Variants in NUP205 observed in about 807,000 individuals in gnomAD.
NUP205 encodes the protein nuclear pore complex protein Nup205.
A neutral mutation model predicts 253.8 loss-of-function variants in NUP205; 76 were observed. The ratio of observed to expected loss-of-function variants is 0.30; its 90% CI spans 0.25 to 0.36. NUP205 has a LOEUF of 0.36. NUP205 is among the 10% of genes least tolerant of loss of function. The pLI is 1.00. For missense variants in NUP205, 2,162 were observed against 2,425.5 expected, an observed-to-expected ratio of 0.89 and a Z score of 2.28; for synonymous variants, 832 against 850.1, an observed-to-expected ratio of 0.98 and a Z score of 0.37.
At chr7:135,606,107 G>A (rs1021561411) in intron 19 of NUP205, 38 bp from the exon 20 acceptor site, 57 of 1,321,468 alleles carry the variant, frequency 4.3e-5, no homozygotes, top group Non-Finnish European at 6.1e-5. Flanking sequence ...TTAGAAACCT[G>A]TAATAATTTG....
In NUP205 at chr7:135,594,732, A is replaced by C; in HGVS notation, c.2013+3A>C. ...GGCAGTCATTGGAATACACTCAGGT[A>C]GGGCTCTGAAGTCCCTTATTTATAT... On this transcript the variant is annotated splice_donor_region_variant and intron_variant, in intron 13 of 42. Coordinates refer to ENST00000285968, the MANE Select transcript of NUP205 (RefSeq NM_015135.3). 2 of 1,603,450 alleles carry C rather than the reference A, an allele frequency of 1.2e-6. No homozygotes were observed. The highest frequency in any genetic ancestry group is 1.7e-6 in the Non-Finnish European group (2 of 1,175,218).
intron 18 of NUP205, 36 bp from the exon 19 acceptor site, chr7:135,604,304 T>C: frequency 7.0e-6 from 11 of 1,560,972 alleles, no homozygotes; most frequent in African/African-American, 1.4e-5. Flanking sequence ...CCAAAAATTT[T>C]ATCACTGTTC....
intron 35 of NUP205, among the ~76,000 whole-genome samples, chr7:135,632,456 C>G (rs1037886034): frequency 6.6e-6 from 1 of 151,970 alleles, no homozygotes; most frequent in Non-Finnish European, 1.5e-5. Context: ...GCTACACTAC[C>G]TCCATTTTTA....
chr7:135,625,662 C>A (rs1017419153), intron 32 of NUP205, among the ~76,000 whole-genome samples: 2 of 152,162 alleles, frequency 1.3e-5, no homozygotes, highest in Non-Finnish European at 2.9e-5. Flanking sequence ...ACAATTTAGA[C>A]TATAGTAGTT....
chr7:135,559,515 C>T (rs886303110), intron 1 of NUP205, among the ~76,000 whole-genome samples: 1 of 151,874 alleles, frequency 6.6e-6, no homozygotes, highest in African/African-American at 2.4e-5. Context: ...GGATTACAGG[C>T]ATGTGCCACC....
chr7:135,631,991 C>T (rs546540659), intron 35 of NUP205, among the ~76,000 whole-genome samples: 2 of 152,130 alleles, frequency 1.3e-5, no homozygotes, highest in South Asian at 2.1e-4. Flanking sequence ...GTAATCTGCC[C>T]GCCTCGGCCT....
intron 5 of NUP205, among the ~76,000 whole-genome samples, chr7:135,577,338 A>G (rs1233247269): frequency 6.6e-6 from 1 of 152,158 alleles, no homozygotes; most frequent in Non-Finnish European, 1.5e-5. Flanking sequence ...ATACATATGT[A>G]TGATATGTAA....
intron 31 of NUP205, among the ~76,000 whole-genome samples, chr7:135,623,351 A>T (rs1254639096): frequency 6.6e-6 from 1 of 152,236 alleles, no homozygotes; most frequent in African/African-American, 2.4e-5. Flanking sequence ...ATCATTTTTT[A>T]TAATATACTG....
chr7:135,643,212 C>T lies in NUP205; in HGVS notation c.5413C>T (p.Pro1805Ser). 1 of 1,614,010 alleles carries T rather than the reference C, an allele frequency of 6.2e-7. No homozygotes were observed. Among genetic ancestry groups the T allele is most frequent in the Admixed American group, 1.7e-5 (1 of 60,002 alleles). ...ATTAGATACCCAAGCTCCAGTGGTT[C>T]CATACTGGCGCCTGCCTGGTTTAGG... Reference protein sequence around the residue: ...PRQDTQAPVVPYWRLPGLGII... With the variant: ...PRQDTQAPVVSYWRLPGLGII... The change falls in exon 39 of 43, where the codon CCA becomes TCA. Residue 1805 changes from proline to serine, a missense_variant. This residue lies in a region of NUP205 where 1,144 missense variants were observed against 1,280.9 expected (regional missense o/e 0.89). Transcript: ENST00000285968.
intron 4 of NUP205, 150 bp from the exon 5 acceptor site, chr7:135,576,819 C>T: frequency 1.5e-6 from 1 of 670,676 alleles, no homozygotes; most frequent in East Asian, 3.0e-5. Context: ...GACGTCAAGG[C>T]TGCAGTGAGC....
chr7:135,579,035 G>A, intron 7 of NUP205, 120 bp downstream of exon 7: 1 of 690,128 alleles, frequency 1.4e-6, no homozygotes, highest in Non-Finnish European at 2.2e-6. Flanking sequence ...ATCCAGAGTT[G>A]TATTAAATGA....
chr7:135,630,662 G>A (rs1302612557), intron 35 of NUP205, among the ~76,000 whole-genome samples, 192 bp downstream of exon 35: 3 of 152,150 alleles, frequency 2.0e-5, no homozygotes, highest in African/African-American at 7.2e-5. Flanking sequence ...GGTGGCTCAT[G>A]CCTGTGATCT....
At position 135,567,054 on chromosome 7, in the gene NUP205, A is replaced by T. The variant is rs569763254; in HGVS notation, c.29-4051A>T. ...GCACCCGGCCTGGAATTCTTTGTTT[A>T]ATGTCTGTCAGTCTTATCAATTTGT... On this transcript the variant is annotated intron_variant, in intron 1 of 42. Coordinates refer to ENST00000285968, the MANE Select transcript of NUP205 (RefSeq NM_015135.3). Among the ~76,000 whole-genome samples the T allele has an allele frequency of 2.8e-5, 4 of 141,508 alleles. No homozygotes were observed. The South Asian group carries it at 9.1e-4, about 32-fold the overall frequency. The allele number at this position is 141,508 out of a possible 152,430, so 92.8% of individuals were successfully genotyped here. A position where few individuals can be genotyped will look rare whatever the true frequency, so the allele number is the denominator to read the frequency against.
rs149897472 is a variant in NUP205, at chr7:135,562,859, C to T, written c.28+4887C>T. Among the ~76,000 whole-genome samples, 504 of 152,184 alleles carry T rather than the reference C, an allele frequency of 3.3e-3. 1 individual carries two copies. The highest frequency in any genetic ancestry group is 0.011 in the African/African-American group (470 of 41,536). On this transcript the variant is annotated intron_variant, in intron 1 of 42. Coordinates refer to ENST00000285968, the MANE Select transcript of NUP205 (RefSeq NM_015135.3). The stretch of plus-strand genomic sequence containing the variant: ...ACACTCGGTCATCAAAATTCTTTAA[C>T]GTGGGCAAGTGAGCCCTGTGTGATG...
In NUP205 at chr7:135,624,028, C is replaced by T. The variant is rs1010981739; in HGVS notation, c.4479+1103C>T. Among the ~76,000 whole-genome samples the T allele has an allele frequency of 5.9e-5, 9 of 152,056 alleles. No individual in the cohort carries two copies. In the East Asian group the frequency reaches 7.7e-4, roughly 13 times the overall value. ...CGATCTCCTGACCTCGTGATCCTCC[C>T]GCCTCGGCCTCCCAAAGTGCTGGGG... On this transcript the variant is annotated intron_variant, in intron 31 of 42. Transcript: ENST00000285968.
intron 1 of NUP205, among the ~76,000 whole-genome samples, chr7:135,564,127 G>A (rs1322376684): frequency 6.6e-6 from 1 of 151,614 alleles, no homozygotes; most frequent in African/African-American, 2.4e-5. Context: ...TGCCCACGCT[G>A]GAGTGCAGTG....
In NUP205 at chr7:135,601,405, A is replaced by G; in HGVS notation, c.2410A>G (p.Ser804Gly). The change falls in exon 17 of 43, where the codon AGT (serine) becomes GGT (glycine). Residue 804 changes from serine to glycine, a missense_variant. This residue lies in a region of NUP205 where 892 missense variants were observed against 957.1 expected (regional missense o/e 0.93). Transcript: ENST00000285968. Reference sequence around the variant, plus strand: ...CATAGCCTATAAGCCACCTGGATTTAGTCTGATGTATCATCTGCTGAATGA... The same window carrying G: ...CATAGCCTATAAGCCACCTGGATTTGGTCTGATGTATCATCTGCTGAATGA... ...EIIAYKPPGF[S>G]LMYHLLNESP... The G allele has an allele frequency of 1.9e-6, 3 of 1,613,718 alleles. No homozygotes were observed. Among genetic ancestry groups the G allele is most frequent in the Non-Finnish European group, 2.5e-6 (3 of 1,179,704 alleles).
intron 9 of NUP205, 44 bp downstream of exon 9, chr7:135,587,735 A>G: frequency 3.3e-6 from 5 of 1,527,648 alleles, no homozygotes; most frequent in Non-Finnish European, 3.6e-6. Flanking sequence ...CCCTCCTTTC[A>G]TTATTTTTTC....
At chr7:135,601,631 T>G (rs1793966894) in intron 17 of NUP205, 124 bp downstream of exon 17, 1 of 1,040,754 alleles carries the variant, frequency 9.6e-7, no homozygotes, top group Non-Finnish European at 1.4e-6. Flanking sequence ...TCTCTGTATC[T>G]GAAGTGGTGT....
Sources: gnomAD v4.1 joint callset for allele counts (sites outside exome capture counted in the v4.1 genomes callset) on GRCh38, gnomAD v4.1.1 for gene constraint, gnomAD v4.1.1 regional missense constraint, MANE v1.5 for transcripts, NCBI Gene and HGNC (gene_info 2026-07-23, HGNC 2026-07-21) for gene names.